ASB1: variants seen among roughly 807,000 people sequenced by gnomAD.
The protein encoded by ASB1 is ankyrin repeat and SOCS box protein 1.
In ASB1, 18 loss-of-function variants were observed where a neutral mutation model predicts 27.7. The observed-to-expected ratio is 0.65, with a 90% CI of 0.45 to 0.96. ASB1 has a LOEUF of 0.96. Among genes scored for constraint, ASB1 ranks in the 50% least tolerant of loss-of-function variants. ASB1 has a pLI of 0.00. For missense variants in ASB1, 397 were observed against 451.7 expected (o/e 0.88, Z 1.10); for synonymous variants, 189 against 187.6 (o/e 1.01, Z -0.06).
Position 238,449,893 on chromosome 2 carries a change from G to A in ASB1, c.*3382G>A, listed in dbSNP as rs1702250144. 6.6e-6 allele frequency: 1 copy of A among 152,230 alleles called. No individual in the cohort carries two copies. The highest frequency in any genetic ancestry group is 2.4e-5 in the African/African-American group (1 of 41,446). 9.4% of individuals were successfully genotyped at this position (152,230 alleles called of 1,614,324 possible). On this transcript the variant is annotated 3_prime_UTR_variant, in exon 5 of 5. Transcript: ENST00000264607. ...AGGAAGATACAGCAGACATAGGACT[G>A]AGCCAAGGAAGAGTCTGCCTGAGAG...
rs2290075 is a variant in ASB1 at position 238,444,360 on chromosome 2, C to T, written c.513C>T (p.Asp171=). ...CCTGCAGGTACGGGGCTGATGTTGA[C>T]GTCAACCACCACCTGACTCCTGATG... ...KALIRYGADV[D]VNHHLTPDVQ... is the part of the protein sequence containing the mutation. The change falls in exon 4 of 5, where the codon GAC becomes GAT. Residue 171 remains aspartate, a synonymous_variant. Coordinates refer to ENST00000264607, the MANE Select transcript of ASB1 (RefSeq NM_001040445.3). 62,115 of 1,608,214 alleles carry T rather than the reference C, an allele frequency of 0.039. 2,203 individuals are homozygous for T. Among genetic ancestry groups the T allele is most frequent in the African/African-American group, 0.14 (10,164 of 74,906 alleles).
chr2:238,427,989 C>T (rs1024132951), intron 1 of ASB1, among the ~76,000 whole-genome samples: 1 of 152,224 alleles, frequency 6.6e-6, no homozygotes, highest in Non-Finnish European at 1.5e-5. Flanking sequence ...TTCCATCCAT[C>T]CCTCCCTCTG....
Position 238,445,647 on chromosome 2 carries a change from C to T in ASB1, c.881-737C>T, listed in dbSNP as rs192157505. On this transcript the variant is annotated intron_variant, in intron 4 of 4. Coordinates refer to ENST00000264607, the MANE Select transcript of ASB1 (RefSeq NM_001040445.3). ...TCTTTAACCTCCTGCCCACATGTCA[C>T]CCCCTCCCACCGCTCCCAGTCTGGG... Among the ~76,000 whole-genome samples, 427 of 152,320 alleles carry T rather than the reference C, an allele frequency of 2.8e-3. 2 individuals carry two copies. The highest frequency in any genetic ancestry group is 4.7e-3 in the Non-Finnish European group (323 of 68,024).
intron 3 of ASB1, among the ~76,000 whole-genome samples, chr2:238,443,432 T>C (rs1470344298): frequency 6.6e-6 from 1 of 152,238 alleles, no homozygotes; most frequent in African/African-American, 2.4e-5. Flanking sequence ...TTAGGGCTTT[T>C]CAGACACATT....
chr2:238,444,822 C>CACTT, intron 4 of ASB1, 95 bp downstream of exon 4: 1 of 1,383,350 alleles, frequency 7.2e-7, no homozygotes, highest in Non-Finnish European at 9.6e-7. Context: ...TCCACCTGAG[C>CACTT]ACTTGGCCAA....
intron 3 of ASB1, among the ~76,000 whole-genome samples, chr2:238,438,896 C>T (rs1276130638): frequency 6.6e-6 from 1 of 152,158 alleles, no homozygotes; most frequent in Non-Finnish European, 1.5e-5. Context: ...ATTGAGTTCT[C>T]CCAGTGCTTC....
chr2:238,429,937 C>CAAA (rs34241968), intron 1 of ASB1, among the ~76,000 whole-genome samples: 25 of 132,704 alleles, frequency 1.9e-4, no homozygotes, highest in African/African-American at 6.4e-4. Context: ...GACTCCGTCT[C>CAAA]AAAAAAAAAA....
At chr2:238,432,764 T>C (rs1701895059) in intron 1 of ASB1, among the ~76,000 whole-genome samples, 1 of 152,100 alleles carries the variant, frequency 6.6e-6, no homozygotes, top group Non-Finnish European at 1.5e-5. Flanking sequence ...TTTTTTTTTT[T>C]GAGACCGAGT....
intron 4 of ASB1, 114 bp downstream of exon 4, chr2:238,444,841 G>T: frequency 8.4e-7 from 1 of 1,190,932 alleles, no homozygotes; most frequent in Non-Finnish European, 1.1e-6. Context: ...AAAATCTTCA[G>T]TTAGAACTCG....
intron 4 of ASB1, among the ~76,000 whole-genome samples, chr2:238,445,199 G>T (rs1490547903): frequency 6.6e-6 from 1 of 151,932 alleles, no homozygotes; most frequent in East Asian, 1.9e-4. Context: ...GGCTTGTGTT[G>T]AACTCCTGGG....
At chr2:238,431,963 A>G (rs1701878713) in intron 1 of ASB1, among the ~76,000 whole-genome samples, 1 of 152,254 alleles carries the variant, frequency 6.6e-6, no homozygotes, top group African/African-American at 2.4e-5. Context: ...CAAAATGGAC[A>G]CATCCTGTTG....
chr2:238,433,392 G>T lies in ASB1; in HGVS notation c.50-162G>T, dbSNP rs546885068. ...CCTGCCTCAGCCTCCTGAGTAGCTG[G>T]GATTACAGGCGTGCCACCATGCCCA... is the stretch of plus-strand genomic sequence containing the variant. On this transcript the variant is annotated intron_variant, in intron 1 of 4. Transcript: ENST00000264607. 3.5e-4 allele frequency: 275 copies of T among 786,386 alleles called. No homozygotes were observed. In the African/African-American group the frequency reaches 4.5e-3, roughly 13 times the overall value. 48.7% of individuals were successfully genotyped at this position (786,386 alleles called of 1,614,324 possible). A position where few individuals can be genotyped will look rare whatever the true frequency, so the allele number is the denominator to read the frequency against.
intron 3 of ASB1, among the ~76,000 whole-genome samples, chr2:238,439,984 T>C (rs910639860): frequency 6.6e-6 from 1 of 152,250 alleles, no homozygotes; most frequent in African/African-American, 2.4e-5. Flanking sequence ...TATTATCCAA[T>C]GAGTTATAAT....
chr2:238,441,441 T>G (rs888967322), intron 3 of ASB1, among the ~76,000 whole-genome samples: 2 of 152,138 alleles, frequency 1.3e-5, no homozygotes, highest in Admixed American at 1.3e-4. Context: ...GGCCAAGGTA[T>G]AAATTTTTGG....
chr2:238,445,832 T>A (rs184149047), intron 4 of ASB1, among the ~76,000 whole-genome samples: 1 of 152,374 alleles, frequency 6.6e-6, no homozygotes, highest in Admixed American at 6.5e-5. Flanking sequence ...AGCTGGGAGC[T>A]GTACTGATAG....
At chr2:238,428,637 A>G (rs1340398130) in intron 1 of ASB1, among the ~76,000 whole-genome samples, 13 of 152,130 alleles carry the variant, frequency 8.5e-5, no homozygotes, top group Non-Finnish European at 1.9e-4. Context: ...CTGTTTTGTT[A>G]TTCAGTGTGT....
chr2:238,443,903 A>G (rs1702126606), intron 3 of ASB1, among the ~76,000 whole-genome samples: 1 of 152,216 alleles, frequency 6.6e-6, no homozygotes. Flanking sequence ...AATATACTTA[A>G]GGATTCTCTT....
At position 238,435,963 on chromosome 2, in the gene ASB1, C is replaced by T. The variant is rs1326549960; in HGVS notation, c.444C>T (p.Val148=). The change falls in exon 3 of 5, where the codon GTC becomes GTT. Residue 148 remains valine, a synonymous_variant. Transcript: ENST00000264607. ...GCCGGCACCATCGCAGCACCCCTGT[C>T]TACCACGCCTCTCGCGTGGGCCGGG... ...NGSRHHRSTP[V]YHASRVGRAD... The T allele has an allele frequency of 1.2e-6, 2 of 1,614,088 alleles. No individual in the cohort carries two copies. The highest frequency in any genetic ancestry group is 1.1e-5 in the South Asian group (1 of 91,086).
In ASB1 at chr2:238,427,086, A is replaced by G; in HGVS notation, c.16A>G (p.Ser6Gly). The change falls in exon 1 of 5, where the codon AGC becomes GGC. Residue 6 changes from serine to glycine, a missense_variant. Ser to Gly is a moderately conservative substitution (Grantham distance 56, BLOSUM62 0). Transcript: ENST00000264607. MAEGG[S>G]PDGRAGPGSA... ...GGAAGCATCCATGGCGGAGGGCGGC[A>G]GCCCAGACGGGCGGGCAGGGCCGGG... is the stretch of plus-strand genomic sequence containing the variant. The G allele has an allele frequency of 2.4e-6, 3 of 1,262,344 alleles. No homozygotes were observed. The highest frequency in any genetic ancestry group is 3.0e-6 in the Non-Finnish European group (3 of 1,004,850). The allele number at this position is 1,262,344 out of a possible 1,614,324, so 78.2% of individuals were successfully genotyped here. A position where few individuals can be genotyped will look rare whatever the true frequency, so the allele number is the denominator to read the frequency against.
Sources: gnomAD v4.1 joint callset for allele counts (sites outside exome capture counted in the v4.1 genomes callset) on GRCh38, gnomAD v4.1.1 for gene constraint, MANE v1.5 for transcripts, NCBI Gene and HGNC (gene_info 2026-07-23, HGNC 2026-07-21) for gene names.